COL21A1: variants seen among roughly 807,000 people sequenced by gnomAD.
The protein encoded by COL21A1 is collagen alpha-1(XXI) chain.
In COL21A1, 149 loss-of-function variants were observed where a neutral mutation model predicts 137.9. That is an observed-to-expected ratio of 1.08 (90% confidence interval 0.95 to 1.24). The LOEUF is 1.24. Ranked by LOEUF, COL21A1 falls within the 50% of genes most tolerant of loss-of-function variation. The pLI is 0.00. For missense variants in COL21A1, 1,167 were observed against 1,158.4 expected (o/e 1.01, Z -0.11); for synonymous variants, 456 against 391.5 (o/e 1.16, Z -1.95).
At chr6:56,349,452 T>G (rs1582798187) in intron 1 of COL21A1, among the ~76,000 whole-genome samples, 1 of 152,154 alleles carries the variant, frequency 6.6e-6, no homozygotes, top group African/African-American at 2.4e-5. Flanking sequence ...TTATCTGAAG[T>G]TGCATTCTTG....
chr6:56,216,227 C>A (rs76120431), intron 1 of COL21A1, among the ~76,000 whole-genome samples: 3 of 152,034 alleles, frequency 2.0e-5, no homozygotes, highest in African/African-American at 7.2e-5. Context: ...CGATATGGGA[C>A]CTATTGCTGC....
intron 9 of COL21A1, among the ~76,000 whole-genome samples, chr6:56,158,255 T>TC (rs1431813625): frequency 7.7e-6 from 1 of 129,134 alleles, no homozygotes; most frequent in Non-Finnish European, 1.6e-5. Context: ...GGTTTTTTCT[T>TC]TTTTTTTTTT....
intron 1 of COL21A1, among the ~76,000 whole-genome samples, chr6:56,237,770 A>T (rs1464849593): frequency 3.9e-5 from 6 of 152,142 alleles, no homozygotes; most frequent in Non-Finnish European, 7.4e-5. Context: ...AATGGCTCTA[A>T]CTATTCTACA....
At chr6:56,188,510 C>A (rs1243038374) in intron 1 of COL21A1, among the ~76,000 whole-genome samples, 3 of 152,158 alleles carry the variant, frequency 2.0e-5, no homozygotes, top group Non-Finnish European at 4.4e-5. Flanking sequence ...GATAAAACTC[C>A]CATCTCCCTG....
chr6:56,364,383 T>G (rs528337747), intron 1 of COL21A1, among the ~76,000 whole-genome samples: 19 of 152,330 alleles, frequency 1.2e-4, no homozygotes, highest in African/African-American at 4.3e-4. Flanking sequence ...TAGCACACAA[T>G]GCTTTTTCAC....
intron 1 of COL21A1, among the ~76,000 whole-genome samples, chr6:56,350,121 T>C (rs902528967): frequency 1.2e-4 from 19 of 152,210 alleles, no homozygotes; most frequent in Non-Finnish European, 2.1e-4. Context: ...ATTCAGAACA[T>C]GGCCCCCAGT....
chr6:56,287,000 T>C (rs975038188), intron 1 of COL21A1, among the ~76,000 whole-genome samples: 2 of 152,228 alleles, frequency 1.3e-5, no homozygotes, highest in African/African-American at 4.8e-5. Flanking sequence ...CTTTCATTTA[T>C]CATATTAATT....
intron 1 of COL21A1, among the ~76,000 whole-genome samples, chr6:56,346,935 C>T (rs1185652209): frequency 1.3e-5 from 2 of 152,140 alleles, no homozygotes; most frequent in African/African-American, 4.8e-5. Flanking sequence ...GTCATGATGT[C>T]ACTCGCTGTA....
intron 1 of COL21A1, among the ~76,000 whole-genome samples, chr6:56,290,517 T>TTTTTG (rs57823142): frequency 6.8e-6 from 1 of 147,324 alleles, no homozygotes; most frequent in Non-Finnish European, 1.5e-5. Context: ...TTTTTTTTTT[T>TTTTTG]GAGACGAAGT....
chr6:56,083,155 C>T (rs1428886884), intron 17 of COL21A1, among the ~76,000 whole-genome samples: 2 of 151,958 alleles, frequency 1.3e-5, no homozygotes, highest in Non-Finnish European at 2.9e-5. Context: ...TTCCAAGAAT[C>T]AGCAATGCTG....
At chr6:56,069,826 G>T (rs1268600623) in intron 21 of COL21A1, among the ~76,000 whole-genome samples, 2 of 150,194 alleles carry the variant, frequency 1.3e-5, no homozygotes, top group Non-Finnish European at 3.0e-5. Context: ...CACAATTTTT[G>T]TTTTTATAAA....
intron 5 of COL21A1, among the ~76,000 whole-genome samples, chr6:56,169,510 C>CTT: frequency 6.6e-6 from 1 of 151,854 alleles, no homozygotes; most frequent in Non-Finnish European, 1.5e-5. Flanking sequence ...ATAAATTGGG[C>CTT]TTACACCTAG....
chr6:56,326,480 C>T (rs1582784738), intron 1 of COL21A1, among the ~76,000 whole-genome samples: 1 of 151,930 alleles, frequency 6.6e-6, no homozygotes, highest in East Asian at 1.9e-4. Flanking sequence ...TCTGTCTTAC[C>T]TAAAATTATC....
intron 17 of COL21A1, among the ~76,000 whole-genome samples, chr6:56,087,563 A>G (rs907147496): frequency 2.0e-5 from 3 of 152,152 alleles, no homozygotes; most frequent in Non-Finnish European, 2.9e-5. Flanking sequence ...CAATCCAGAA[A>G]AAGCATTCTG....
chr6:56,279,478 G>C (rs1046187652), intron 1 of COL21A1, among the ~76,000 whole-genome samples: 2 of 152,138 alleles, frequency 1.3e-5, no homozygotes, highest in African/African-American at 4.8e-5. Context: ...GCAACAGCAG[G>C]GGCCAGAATG....
intron 2 of COL21A1, among the ~76,000 whole-genome samples, chr6:56,180,963 T>C (rs1482708942): frequency 6.6e-6 from 1 of 152,230 alleles, no homozygotes; most frequent in African/African-American, 2.4e-5. Flanking sequence ...TTTATTAGAA[T>C]GTCTTCCTCT....
At chr6:56,194,908 G>C (rs762756369) in intron 1 of COL21A1, among the ~76,000 whole-genome samples, 20 of 152,126 alleles carry the variant, frequency 1.3e-4, no homozygotes, top group Non-Finnish European at 1.0e-4. Context: ...AGGTGATTGG[G>C]TCATGAGGGC....
intron 16 of COL21A1, among the ~76,000 whole-genome samples, chr6:56,111,021 A>C (rs1771381016): frequency 6.6e-6 from 1 of 152,120 alleles, no homozygotes; most frequent in African/African-American, 2.4e-5. Context: ...GGGATGAAAA[A>C]GTAGTAAGAA....
chr6:56,063,852 G>A (rs961038610), intron 24 of COL21A1, among the ~76,000 whole-genome samples: 1 of 152,048 alleles, frequency 6.6e-6, no homozygotes, highest in African/African-American at 2.4e-5. Context: ...CCCATGGGAG[G>A]ACTCACATAT....
Sources: allele counts gnomAD v4.1 joint callset (sites outside exome capture counted in the v4.1 genomes callset), GRCh38; gene constraint gnomAD v4.1.1; transcripts MANE v1.5; gene names NCBI Gene and HGNC (gene_info 2026-07-23, HGNC 2026-07-21).